The following TRAPPC9 variants were observed in gnomAD, a reference collection of about 807,000 sequenced individuals.
TRAPPC9 encodes the protein IKK2 binding protein.
A neutral mutation model predicts 124.0 loss-of-function variants in TRAPPC9; 83 were observed. That is an observed-to-expected ratio of 0.67 (90% CI 0.56 to 0.80). The LOEUF (loss-of-function observed/expected upper bound fraction) is 0.80, where lower values mean the gene tolerates loss of function less well. Ranked by LOEUF, TRAPPC9 falls within the 30% of genes least tolerant of loss-of-function variation. The pLI is 0.00. For missense variants in TRAPPC9, 1,302 were observed against 1,508.3 expected, an observed-to-expected ratio of 0.86 and a Z score of 2.27; for synonymous variants, 638 against 617.5, an observed-to-expected ratio of 1.03 and a Z score of -0.49.
At chr8:140,079,870 C>T (rs1208589548) in intron 17 of TRAPPC9, among the ~76,000 whole-genome samples, 1 of 152,084 alleles carries the variant, frequency 6.6e-6, no homozygotes, top group African/African-American at 2.4e-5. Flanking sequence ...GTGGAGGTTG[C>T]AGTGAGCCAA....
At chr8:140,060,638 C>T (rs996458395) in intron 17 of TRAPPC9, among the ~76,000 whole-genome samples, 1 of 151,988 alleles carries the variant, frequency 6.6e-6, no homozygotes, top group African/African-American at 2.4e-5. Flanking sequence ...CCATCCCTGC[C>T]CACGGGCACT....
chr8:140,005,560 T>A (rs1838694078), intron 18 of TRAPPC9, among the ~76,000 whole-genome samples: 2 of 151,880 alleles, frequency 1.3e-5, no homozygotes. Context: ...TTTGCAAAGG[T>A]CTCAAGCTCA....
At chr8:140,152,487 A>C (rs1295630318) in intron 17 of TRAPPC9, among the ~76,000 whole-genome samples, 26 of 150,480 alleles carry the variant, frequency 1.7e-4, no homozygotes, top group Admixed American at 1.7e-3. Context: ...CAGCCTCCCA[A>C]GTAGATGGGA....
At chr8:140,272,075 G>GTC (rs2064912473) in intron 15 of TRAPPC9, among the ~76,000 whole-genome samples, 1 of 106,292 alleles carries the variant, frequency 9.4e-6, no homozygotes, top group African/African-American at 4.0e-5. Flanking sequence ...TGGTGATGAT[G>GTC]GTGGTGGTTG....
intron 21 of TRAPPC9, among the ~76,000 whole-genome samples, chr8:139,778,208 G>C (rs951182897): frequency 6.6e-6 from 1 of 152,130 alleles, no homozygotes; most frequent in Non-Finnish European, 1.5e-5. Context: ...GCATTAGGTA[G>C]CACATTTAGC....
chr8:139,778,135 C>T (rs974173524), intron 21 of TRAPPC9, among the ~76,000 whole-genome samples: 10 of 152,190 alleles, frequency 6.6e-5, no homozygotes, highest in South Asian at 2.1e-4. Flanking sequence ...TCACACAGAG[C>T]GAGGAATAGT....
rs1004145586 is a variant in TRAPPC9 at position 140,104,302 on chromosome 8, T to C, written c.2557-80223A>G. On this transcript the variant is annotated intron_variant, in intron 17 of 22. Transcript: ENST00000438773. The surrounding 1 kb of genome is among the most constrained non-coding windows in gnomAD (Gnocchi z 4.0). ...ACCAGGAGGGCTCCCCGCTCTGCAA[T>C]GGGTCTTGAAGAACGAGGCATTTTC... 1.1e-4 allele frequency among the ~76,000 whole-genome samples: 17 copies of C among 151,978 alleles called. No individual in the cohort carries two copies. Among genetic ancestry groups the C allele is most frequent in the African/African-American group, 3.9e-4 (16 of 41,340 alleles).
At chr8:140,427,808 T>A (rs1382705282) in intron 4 of TRAPPC9, among the ~76,000 whole-genome samples, 4 of 152,236 alleles carry the variant, frequency 2.6e-5, no homozygotes, top group Non-Finnish European at 5.9e-5. Flanking sequence ...AGCCATCTGT[T>A]TGTAAACGCA....
At chr8:140,159,502 C>G (rs1045040294) in intron 17 of TRAPPC9, among the ~76,000 whole-genome samples, 3 of 152,164 alleles carry the variant, frequency 2.0e-5, no homozygotes, top group African/African-American at 7.2e-5. Flanking sequence ...CAAATCATGT[C>G]CACAAATACA....
At chr8:140,435,718 T>C (rs1290235326) in intron 3 of TRAPPC9, among the ~76,000 whole-genome samples, 2 of 152,198 alleles carry the variant, frequency 1.3e-5, no homozygotes, top group Non-Finnish European at 2.9e-5. Flanking sequence ...ATGCACCCCA[T>C]AGGCATCTGC....
chr8:140,410,026 A>C (rs951985638), intron 5 of TRAPPC9, among the ~76,000 whole-genome samples: 13 of 151,544 alleles, frequency 8.6e-5, no homozygotes, highest in Non-Finnish European at 1.8e-4. Flanking sequence ...TGTGATTCCC[A>C]GCTACTTGGG....
intron 16 of TRAPPC9, among the ~76,000 whole-genome samples, chr8:140,225,528 C>T (rs2063429096): frequency 6.6e-6 from 1 of 152,180 alleles, no homozygotes; most frequent in Non-Finnish European, 1.5e-5. Flanking sequence ...GCACCATGGA[C>T]ACAATTTATA....
At chr8:140,247,843 G>GA (rs943218405) in intron 16 of TRAPPC9, among the ~76,000 whole-genome samples, 6 of 150,886 alleles carry the variant, frequency 4.0e-5, no homozygotes, top group East Asian at 1.9e-4. Context: ...TACAATGCTG[G>GA]AAAAAAAAAT....
intron 17 of TRAPPC9, among the ~76,000 whole-genome samples, chr8:140,164,792 C>G (rs1227382850): frequency 6.6e-6 from 1 of 152,188 alleles, no homozygotes; most frequent in African/African-American, 2.4e-5. Flanking sequence ...CCGCCATGTC[C>G]TGCCAATCCC....
intron 2 of TRAPPC9, among the ~76,000 whole-genome samples, chr8:140,444,882 C>T (rs200167538): frequency 4.4e-5 from 3 of 68,654 alleles, no homozygotes; most frequent in South Asian, 9.1e-4. Context: ...AAAAAAAAAA[C>T]AGGATCTGGG....
chr8:139,775,508 TG>T, intron 21 of TRAPPC9, among the ~76,000 whole-genome samples: 1 of 152,310 alleles, frequency 6.6e-6, no homozygotes, highest in East Asian at 1.9e-4. Flanking sequence ...ACCGCTTTTC[TG>T]GGGCGCTGGG....
chr8:140,238,169 G>A (rs1326903496), intron 16 of TRAPPC9, among the ~76,000 whole-genome samples: 2 of 152,196 alleles, frequency 1.3e-5, no homozygotes, highest in East Asian at 1.9e-4. Context: ...AGGAGACGTC[G>A]GTTCCGGCTG....
At position 139,984,029 on chromosome 8, in the gene TRAPPC9, C is replaced by T. The variant is rs1037694266; in HGVS notation, c.2810+4697G>A. Among the ~76,000 whole-genome samples, 11 of 152,292 alleles carry T rather than the reference C, an allele frequency of 7.2e-5. No individual in the cohort carries two copies. Among genetic ancestry groups the T allele is most frequent in the East Asian group, 1.9e-4 (1 of 5,174 alleles). Reference sequence around the variant, plus strand: ...CCCCAGGAAGCATGTTGCTCCTCCTCGTGCTGTTGGGGACACATTTCTATC... The same window carrying T: ...CCCCAGGAAGCATGTTGCTCCTCCTTGTGCTGTTGGGGACACATTTCTATC... On this transcript the variant is annotated intron_variant, in intron 19 of 22. Transcript: ENST00000438773. The surrounding 1 kb of genome is among the most constrained non-coding windows in gnomAD (Gnocchi z 4.3).
intron 17 of TRAPPC9, among the ~76,000 whole-genome samples, chr8:140,206,044 T>C (rs2062908883): frequency 6.6e-6 from 1 of 152,222 alleles, no homozygotes; most frequent in Non-Finnish European, 1.5e-5. Flanking sequence ...CTGAAAAGGA[T>C]GTTACATCAT....
Sources: allele counts gnomAD v4.1 joint callset (sites outside exome capture counted in the v4.1 genomes callset), GRCh38; gene constraint gnomAD v4.1.1; non-coding constraint Gnocchi (gnomAD v3.1); transcripts MANE v1.5; gene names NCBI Gene and HGNC (gene_info 2026-07-23, HGNC 2026-07-21).